UNC5B: variants seen among roughly 807,000 people sequenced by gnomAD.
The protein encoded by UNC5B is netrin receptor UNC5B.
Under a neutral mutation model 103.7 loss-of-function variants are expected in UNC5B, and 56 were observed. The ratio of observed to expected loss-of-function variants is 0.54; its 90% CI spans 0.44 to 0.67. The LOEUF (loss-of-function observed/expected upper bound fraction) is 0.67, where lower values mean the gene tolerates loss of function less well. UNC5B is among the 30% of genes least tolerant of loss of function. UNC5B has a pLI of 0.00. For missense variants in UNC5B, 1,194 were observed against 1,284.5 expected (o/e 0.93, Z 1.08); for synonymous variants, 577 against 542.0 (o/e 1.06, Z -0.90).
intron 14 of UNC5B, among the ~76,000 whole-genome samples, chr10:71,296,255 C>G (rs1845409665): frequency 1.3e-5 from 2 of 152,200 alleles, no homozygotes; most frequent in African/African-American, 4.8e-5. Context: ...CAGGGCATGC[C>G]CTCCTGGCAG....
chr10:71,293,561 G>A lies in UNC5B; in HGVS notation c.1929G>A (p.Gln643=). Residue 643 remains glutamine (Q), a synonymous_variant, in exon 12 of 17, where the codon CAG becomes CAA. Coordinates refer to ENST00000335350, the MANE Select transcript of UNC5B (RefSeq NM_170744.5). ...WIFQLKTQAH[Q]GHWEEVVTLD... is the part of the protein sequence containing the mutation. ...TTCAGCTCAAGACCCAGGCCCACCA[G>A]GGCCACTGGGAGGTGAGGAGCCACG... 1 of 1,613,838 alleles carries A rather than the reference G, an allele frequency of 6.2e-7. No homozygotes were observed.
In UNC5B at chr10:71,297,421, G is replaced by C. The variant is rs1342505899; in HGVS notation, c.2491-488G>C. Reference sequence around the variant, plus strand: ...AGGACCAGGCCTGTGGTTCTCAACCGTTAAAAATCCGGATTGAGATTTAAA... The same window carrying C: ...AGGACCAGGCCTGTGGTTCTCAACCCTTAAAAATCCGGATTGAGATTTAAA... On this transcript the variant is annotated intron_variant, in intron 15 of 16. Transcript: ENST00000335350. 3.3e-5 allele frequency among the ~76,000 whole-genome samples: 5 copies of C among 152,346 alleles called. No individual in the cohort carries two copies. In the East Asian group the frequency reaches 7.7e-4, roughly 24 times the overall value.
At chr10:71,259,270 T>C (rs1844360339) in intron 1 of UNC5B, among the ~76,000 whole-genome samples, 1 of 152,006 alleles carries the variant, frequency 6.6e-6, no homozygotes, top group Non-Finnish European at 1.5e-5. Context: ...GTGCCTGTAA[T>C]TCCAGCTACT....
intron 1 of UNC5B, chr10:71,217,372 C>T (rs753259731): frequency 8.5e-5 from 13 of 152,288 alleles, no homozygotes; most frequent in Admixed American, 1.3e-4. Context: ...TGGGGCGCCA[C>T]CTCCCGCCCC....
At position 71,291,805 on chromosome 10, in the gene UNC5B, C is replaced by T. The variant is rs1373341557; in HGVS notation, c.1668C>T (p.Leu556=). 3 of 1,599,308 alleles carry T rather than the reference C, an allele frequency of 1.9e-6. No homozygotes were observed. The highest frequency in any genetic ancestry group is 1.1e-5 in the South Asian group (1 of 90,302). Residue 556 remains leucine, a synonymous_variant, in exon 10 of 17, where the codon CTC becomes CTT. Transcript: ENST00000335350. ...SGTFGCLGGR[L]SIPGTGVSLL... ...CCTTTGGCTGCCTGGGTGGGAGGCTCAGCATCCCCGGCACAGGTGAGCCCC... is the reference window on the plus strand; with the variant it reads ...CCTTTGGCTGCCTGGGTGGGAGGCTTAGCATCCCCGGCACAGGTGAGCCCC...
chr10:71,248,863 T>TCACA lies in UNC5B; in HGVS notation c.80-30957_80-30956insACAC, dbSNP rs1380490117. 6.8e-3 allele frequency among the ~76,000 whole-genome samples: 208 copies of TCACA among 30,768 alleles called. 1 individual carries two copies. The highest frequency in any genetic ancestry group is 0.013 in the Non-Finnish European group (153 of 11,412). The allele number at this position is 30,768 out of a possible 152,430, so 20.2% of individuals were successfully genotyped here. ...CCCTCTCTCTGTCTCTCTCTCTCTC[T>TCACA]CTCTCACACACACACACACACACAC... On this transcript the variant is annotated intron_variant, in intron 1 of 16. Transcript: ENST00000335350.
intron 6 of UNC5B, 129 bp downstream of exon 6, chr10:71,287,894 C>A: frequency 1.5e-6 from 2 of 1,290,320 alleles, no homozygotes; most frequent in Non-Finnish European, 2.1e-6. Flanking sequence ...GAGCCCACAG[C>A]CGGCTGCCCA....
At chr10:71,240,111 A>G (rs1843865064) in intron 1 of UNC5B, among the ~76,000 whole-genome samples, 1 of 149,292 alleles carries the variant, frequency 6.7e-6, no homozygotes, top group Non-Finnish European at 1.5e-5. Flanking sequence ...TCCATTCTCC[A>G]CCTCAGAAGC....
chr10:71,283,217 G>C (rs976219097), intron 2 of UNC5B, among the ~76,000 whole-genome samples: 2 of 152,204 alleles, frequency 1.3e-5, no homozygotes, highest in South Asian at 4.1e-4. Flanking sequence ...CTTGCTAGGG[G>C]ACTTGGTGCC....
Position 71,291,493 on chromosome 10 carries a change from C to T in UNC5B, c.1356C>T (p.Tyr452=). ...ACCTGACAGCCAGCGCCGGCATCTA[C>T]CGCGGACCCGTGTATGCCCTGCAGG... The part of the protein sequence containing the change: ...PPDLTASAGI[Y]RGPVYALQDS... The change falls in exon 10 of 17, where the codon TAC becomes TAT. Residue 452 remains tyrosine (Y), a synonymous_variant. Coordinates refer to ENST00000335350, the MANE Select transcript of UNC5B (RefSeq NM_170744.5). The T allele has an allele frequency of 1.2e-6, 2 of 1,614,126 alleles. No individual in the cohort carries two copies. The highest frequency in any genetic ancestry group is 1.7e-6 in the Non-Finnish European group (2 of 1,180,002).
chr10:71,228,153 A>G (rs549698351), intron 1 of UNC5B, among the ~76,000 whole-genome samples: 6 of 152,320 alleles, frequency 3.9e-5, no homozygotes, highest in Admixed American at 1.3e-4. Context: ...CTGGGTAGCT[A>G]TGTGGGAAAA....
At chr10:71,281,495 C>T (rs770649685) in intron 2 of UNC5B, among the ~76,000 whole-genome samples, 2 of 152,176 alleles carry the variant, frequency 1.3e-5, no homozygotes, top group Non-Finnish European at 2.9e-5. Context: ...CGCGTGCCAC[C>T]ATGCCAGGCT....
intron 1 of UNC5B, among the ~76,000 whole-genome samples, chr10:71,249,222 T>A (rs1844118607): frequency 6.6e-6 from 1 of 152,194 alleles, no homozygotes; most frequent in South Asian, 2.1e-4. Context: ...AGCTACAAAG[T>A]CCTCCTGGGC....
At chr10:71,252,886 G>C (rs993895170) in intron 1 of UNC5B, among the ~76,000 whole-genome samples, 3 of 152,162 alleles carry the variant, frequency 2.0e-5, no homozygotes, top group African/African-American at 7.2e-5. Flanking sequence ...CTCCCCAGGA[G>C]AGTAGACGGT....
intron 1 of UNC5B, among the ~76,000 whole-genome samples, chr10:71,276,384 T>C (rs569758397): frequency 3.3e-5 from 5 of 152,102 alleles, no homozygotes; most frequent in African/African-American, 1.2e-4. Context: ...TAGCCCACCT[T>C]TCAAGCCTTC....
chr10:71,273,643 G>A (rs1380866222), intron 1 of UNC5B, among the ~76,000 whole-genome samples: 1 of 152,220 alleles, frequency 6.6e-6, no homozygotes, highest in East Asian at 1.9e-4. Context: ...CACTGCACAG[G>A]CCCAGCCCCT....
chr10:71,237,530 A>T (rs1843800158), intron 1 of UNC5B, among the ~76,000 whole-genome samples: 1 of 130,708 alleles, frequency 7.7e-6, no homozygotes, highest in Admixed American at 7.3e-5. Context: ...CTCATCTGTA[A>T]AGTGGGGGTA....
chr10:71,215,171 T>G (rs10762430), intron 1 of UNC5B, among the ~76,000 whole-genome samples: 65,248 of 152,142 alleles, frequency 0.43, 14,334 homozygotes, highest in East Asian at 0.6. Context: ...GGTTTTTCCA[T>G]TGGATCCTTC....
At chr10:71,231,122 A>T (rs1371297967) in intron 1 of UNC5B, among the ~76,000 whole-genome samples, 1 of 152,166 alleles carries the variant, frequency 6.6e-6, no homozygotes, top group African/African-American at 2.4e-5. Flanking sequence ...CTTATATGAA[A>T]GCTATATAAG....
Sources: gnomAD v4.1 joint callset for allele counts (sites outside exome capture counted in the v4.1 genomes callset) on GRCh38, gnomAD v4.1.1 for gene constraint, MANE v1.5 for transcripts, NCBI Gene and HGNC (gene_info 2026-07-23, HGNC 2026-07-21) for gene names.